ANKRD11: variants seen among roughly 807,000 people sequenced by gnomAD.
The protein encoded by ANKRD11 is ankyrin repeat domain 11.
A neutral mutation model predicts 195.7 loss-of-function variants in ANKRD11; 17 were observed. The ratio of observed to expected loss-of-function variants is 0.09; its 90% CI spans 0.06 to 0.13. ANKRD11 has a LOEUF of 0.13. Ranked by LOEUF, ANKRD11 falls within the 10% of genes least tolerant of loss-of-function variation. The pLI, the probability that ANKRD11 is intolerant of heterozygous loss-of-function variation, is 1.00. For missense variants in ANKRD11, 3,735 were observed against 3,566.1 expected (o/e 1.05, Z -1.21); for synonymous variants, 1,953 against 1,528.1 (o/e 1.28, Z -6.49).
At chr16:89,323,770 G>A (rs1161992187) in intron 2 of ANKRD11, 6 of 252,250 alleles carry the variant, frequency 2.4e-5, no homozygotes, top group Admixed American at 1.1e-4. Context: ...CCTCAGGGCC[G>A]CACCAGCTCT....
intron 4 of ANKRD11, among the ~76,000 whole-genome samples, chr16:89,303,880 T>C (rs1289323644): frequency 6.6e-6 from 1 of 152,138 alleles, no homozygotes; most frequent in Non-Finnish European, 1.5e-5. Context: ...CGAGCTCTTC[T>C]CACCTGGACC....
At chr16:89,430,842 C>T (rs180986580) in intron 1 of ANKRD11, among the ~76,000 whole-genome samples, 2 of 152,298 alleles carry the variant, frequency 1.3e-5, no homozygotes, top group East Asian at 1.9e-4. Flanking sequence ...TATGACCTTA[C>T]GCAGTTTCTG....
chr16:89,430,571 C>CACGCTCAG (rs1454062550), intron 1 of ANKRD11, among the ~76,000 whole-genome samples: 3 of 152,176 alleles, frequency 2.0e-5, no homozygotes, highest in Non-Finnish European at 4.4e-5. Flanking sequence ...TCTCAACTCT[C>CACGCTCAG]ACGCTCAGAC....
chr16:89,304,336 GCA>G lies in ANKRD11; in HGVS notation c.226+868_226+869del, dbSNP rs139355034. Among the ~76,000 whole-genome samples the G allele has an allele frequency of 8.2e-3, 1,217 of 148,438 alleles. 9 individuals are homozygous for G. Among genetic ancestry groups the G allele is most frequent in the East Asian group, 0.04 (200 of 4,960 alleles). On this transcript the variant is annotated intron_variant, in intron 4 of 12. Coordinates refer to ENST00000301030, the MANE Select transcript of ANKRD11 (RefSeq NM_013275.6). ...CGTACACATGGGCACACACAGGCAT[GCA>G]CACACACACGGGCGCATACACAGGC...
At chr16:89,411,677 G>A (rs573276582) in intron 2 of ANKRD11, among the ~76,000 whole-genome samples, 6 of 152,264 alleles carry the variant, frequency 3.9e-5, no homozygotes, top group African/African-American at 1.2e-4. Flanking sequence ...GCCTCCCAGA[G>A]TGCTGGGATT....
chr16:89,489,795 C>A (rs1319469348), intron 1 of ANKRD11, among the ~76,000 whole-genome samples: 4 of 144,420 alleles, frequency 2.8e-5, no homozygotes, highest in Non-Finnish European at 6.2e-5. Context: ...CGCCCCGGAG[C>A]CCCCTGTCCG....
At chr16:89,423,710 C>T (rs1303425283) in intron 1 of ANKRD11, among the ~76,000 whole-genome samples, 1 of 152,160 alleles carries the variant, frequency 6.6e-6, no homozygotes, top group Non-Finnish European at 1.5e-5. Flanking sequence ...TATTCATAAG[C>T]ACCAGAAACT....
chr16:89,291,222 A>G lies in ANKRD11; in HGVS notation c.227-39T>C. 2 of 1,608,896 alleles carry G rather than the reference A, an allele frequency of 1.2e-6. No individual in the cohort carries two copies. Among genetic ancestry groups the G allele is most frequent in the Non-Finnish European group, 8.5e-7 (1 of 1,179,564 alleles). ...GAGGGAGAGAGGGAGGAGAGATTTC[A>G]TGCCATGGTGTCCTCCAAAGCTAGG... On this transcript the variant is annotated intron_variant, in intron 4 of 12. Transcript: ENST00000301030. The surrounding 1 kb of genome is among the most constrained non-coding windows in gnomAD (Gnocchi z 5.3).
intron 2 of ANKRD11, among the ~76,000 whole-genome samples, chr16:89,386,112 C>T (rs1250138311): frequency 2.0e-5 from 3 of 152,206 alleles, no homozygotes; most frequent in Admixed American, 1.3e-4. Context: ...CTCAGATTTT[C>T]GTTTTTAAGT....
chr16:89,282,540 C>T lies in ANKRD11; in HGVS notation c.4002G>A (p.Pro1334=), dbSNP rs1197280247. ...TCTCAGGGAGGCAGGCGCTCTCCCT[C>T]GGCTTGTCGTCTCCAGGTGGCTCCG... is the stretch of plus-strand genomic sequence containing the variant. The part of the protein sequence containing the change: ...SFTEPPGDDK[P]RESACLPEKL... Residue 1334 remains proline (P), a synonymous_variant, in exon 9 of 13, where the codon CCG becomes CCA. Coordinates refer to ENST00000301030, the MANE Select transcript of ANKRD11 (RefSeq NM_013275.6). The T allele has an allele frequency of 5.6e-6, 9 of 1,613,976 alleles. No homozygotes were observed. The highest frequency in any genetic ancestry group is 1.7e-5 in the Admixed American group (1 of 60,000).
intron 3 of ANKRD11, among the ~76,000 whole-genome samples, chr16:89,308,943 G>A (rs559074983): frequency 2.6e-5 from 4 of 152,348 alleles, no homozygotes. Context: ...GGCAGATGCA[G>A]CGGGCAACCA....
rs566354429 is a variant in ANKRD11, at chr16:89,391,600, G to C, written c.-60+26684C>G. On this transcript the variant is annotated intron_variant, in intron 2 of 12. Coordinates refer to ENST00000301030, the MANE Select transcript of ANKRD11 (RefSeq NM_013275.6). ...TTCCCCCTCAGAACCCCTACTAACTGAGCTTAGAAATACATGAAGTCAAGC... is the reference window on the plus strand; with the variant it reads ...TTCCCCCTCAGAACCCCTACTAACTCAGCTTAGAAATACATGAAGTCAAGC... 3.3e-5 allele frequency among the ~76,000 whole-genome samples: 5 copies of C among 152,278 alleles called. No homozygotes were observed. The East Asian group carries it at 5.8e-4, about 18-fold the overall frequency.
chr16:89,396,956 G>A (rs1171396943), intron 2 of ANKRD11, among the ~76,000 whole-genome samples: 3 of 108,202 alleles, frequency 2.8e-5, no homozygotes, highest in African/African-American at 8.8e-5. Context: ...CAGAGCACTG[G>A]TGGGATTATA....
chr16:89,467,052 G>C (rs1459325535), intron 1 of ANKRD11, among the ~76,000 whole-genome samples: 2 of 152,178 alleles, frequency 1.3e-5, no homozygotes, highest in Non-Finnish European at 2.9e-5. Flanking sequence ...AATTCCAATG[G>C]TTGCAGGAAC....
Position 89,279,916 on chromosome 16 carries a change from C to G in ANKRD11, c.6626G>C (p.Gly2209Ala), listed in dbSNP as rs1453324551. 1 of 1,609,712 alleles carries G rather than the reference C, an allele frequency of 6.2e-7. No homozygotes were observed. The highest frequency in any genetic ancestry group is 1.7e-5 in the Admixed American group (1 of 59,922). ...LPAELEPEPS[G>A]EPKLDVALEA... ...TAGAGCCACGTCCAGCTTTGGCTCC[C>G]CTGAGGGCTCAGGCTCGAGCTCTGC... is the stretch of plus-strand genomic sequence containing the variant. The change falls in exon 9 of 13, where the codon GGG becomes GCG. Residue 2209 changes from glycine to alanine, a missense_variant. Transcript: ENST00000301030. The surrounding 1 kb of genome is among the most constrained non-coding windows in gnomAD (Gnocchi z 5.6).
intron 1 of ANKRD11, among the ~76,000 whole-genome samples, chr16:89,485,252 G>C (rs1220356935): frequency 6.6e-6 from 1 of 151,450 alleles, no homozygotes; most frequent in Non-Finnish European, 1.5e-5. Flanking sequence ...GGGAGGCCAA[G>C]ACGGCTGGAT....
At chr16:89,463,577 G>C (rs902340350) in intron 1 of ANKRD11, among the ~76,000 whole-genome samples, 14 of 151,754 alleles carry the variant, frequency 9.2e-5, no homozygotes, top group African/African-American at 3.1e-4. Flanking sequence ...AGAGACCTTT[G>C]TTCACTTGTT....
intron 1 of ANKRD11, among the ~76,000 whole-genome samples, chr16:89,439,903 G>C (rs1165999205): frequency 6.6e-6 from 1 of 152,194 alleles, no homozygotes; most frequent in Non-Finnish European, 1.5e-5. Flanking sequence ...GGCCTCCGGA[G>C]AAGTCAAAGA....
At chr16:89,325,568 G>A (rs929178739) in intron 2 of ANKRD11, among the ~76,000 whole-genome samples, 7 of 152,182 alleles carry the variant, frequency 4.6e-5, no homozygotes, top group Admixed American at 2.0e-4. Flanking sequence ...ACAGTACTTA[G>A]GGATGCATAC....
Sources: allele counts gnomAD v4.1 joint callset (sites outside exome capture counted in the v4.1 genomes callset), GRCh38; gene constraint gnomAD v4.1.1; non-coding constraint Gnocchi (gnomAD v3.1); transcripts MANE v1.5; gene names NCBI Gene and HGNC (gene_info 2026-07-23, HGNC 2026-07-21).